TTC9: variants seen among roughly 807,000 people sequenced by gnomAD.
The protein encoded by TTC9 is tetratricopeptide repeat domain 9.
Under a neutral mutation model 22.9 loss-of-function variants are expected in TTC9, and 13 were observed. The observed-to-expected ratio is 0.57, with a 90% CI of 0.37 to 0.90. The LOEUF (loss-of-function observed/expected upper bound fraction) is 0.90, where lower values mean the gene tolerates loss of function less well. Among genes scored for constraint, TTC9 ranks in the 40% least tolerant of loss-of-function variants. TTC9 has a pLI of 0.01. For missense variants in TTC9, 280 were observed against 291.8 expected (o/e 0.96, Z 0.29); for synonymous variants, 148 against 133.2 (o/e 1.11, Z -0.77).
At position 70,667,582 on chromosome 14, in the gene TTC9, A is replaced by G. The variant is rs1487213179; in HGVS notation, c.425A>G (p.Glu142Gly). The G allele has an allele frequency of 1.2e-6, 2 of 1,614,018 alleles. No individual in the cohort carries two copies. Among genetic ancestry groups the G allele is most frequent in the Non-Finnish European group, 1.7e-6 (2 of 1,179,896 alleles). Reference sequence around the variant, plus strand: ...TCCATAGCCTGCCTGCTCCAGGCTGAGCTGGTAAACTATGAACGAGTCAAG... The same window carrying G: ...TCCATAGCCTGCCTGCTCCAGGCTGGGCTGGTAAACTATGAACGAGTCAAG... ...NSLAACLLQA[E>G]LVNYERVKEY... The change falls in exon 2 of 3, where the codon GAG (glutamate) becomes GGG (glycine). Residue 142 changes from glutamate to glycine, a missense_variant. By Grantham distance (98) the Glu-to-Gly change is moderately conservative. Transcript: ENST00000256367.
chr14:70,642,933 T>C (rs906593753), intron 1 of TTC9, among the ~76,000 whole-genome samples: 2 of 152,214 alleles, frequency 1.3e-5, no homozygotes, highest in Non-Finnish European at 2.9e-5. Context: ...CGCACCTGTC[T>C]GCTCTCCTTA....
chr14:70,667,526 T>C, intron 1 of TTC9, 38 bp from the exon 2 acceptor site: 1 of 1,611,270 alleles, frequency 6.2e-7, no homozygotes, highest in Non-Finnish European at 8.5e-7. Flanking sequence ...AGCTGGCCAC[T>C]GTTGTGCTGA....
intron 1 of TTC9, among the ~76,000 whole-genome samples, chr14:70,647,290 CT>C (rs1885916208): frequency 6.6e-6 from 1 of 152,152 alleles, no homozygotes; most frequent in South Asian, 2.1e-4. Context: ...TTTTATTTCA[CT>C]TTTTTATATG....
At chr14:70,647,615 A>C (rs752164791) in intron 1 of TTC9, among the ~76,000 whole-genome samples, 1 of 152,156 alleles carries the variant, frequency 6.6e-6, no homozygotes, top group Admixed American at 6.5e-5. Flanking sequence ...ATGAACTCTC[A>C]CGCATCATGG....
rs1047333420 is a variant in TTC9 at position 70,642,180 on chromosome 14, C to T, written c.51C>T (p.Pro17=). Residue 17 remains proline, a synonymous_variant, in exon 1 of 3, where the codon CCC becomes CCT. Coordinates refer to ENST00000256367, the MANE Select transcript of TTC9 (RefSeq NM_015351.2). The part of the protein sequence containing the change: ...AAGAKGNPSP[P]AAGEGQRPPP... Reference sequence around the variant, plus strand: ...GGGCCAAGGGGAACCCGAGCCCGCCCGCGGCCGGAGAGGGGCAGCGGCCAC... The same window carrying T: ...GGGCCAAGGGGAACCCGAGCCCGCCTGCGGCCGGAGAGGGGCAGCGGCCAC... 2 of 1,209,628 alleles carry T rather than the reference C, an allele frequency of 1.7e-6. No homozygotes were observed. Among genetic ancestry groups the T allele is most frequent in the Non-Finnish European group, 2.1e-6 (2 of 967,350 alleles). 74.9% of individuals were successfully genotyped at this position (1,209,628 alleles called of 1,614,324 possible). A position where few individuals can be genotyped will look rare whatever the true frequency, so the allele number is the denominator to read the frequency against.
intron 1 of TTC9, among the ~76,000 whole-genome samples, chr14:70,664,558 T>C (rs753024681): frequency 1.3e-5 from 2 of 152,126 alleles, no homozygotes; most frequent in Non-Finnish European, 2.9e-5. Flanking sequence ...AAACCCCGTC[T>C]CTATTAAAAC....
chr14:70,654,099 C>T (rs927686643), intron 1 of TTC9, among the ~76,000 whole-genome samples: 1 of 152,008 alleles, frequency 6.6e-6, no homozygotes, highest in Non-Finnish European at 1.5e-5. Flanking sequence ...TGGATCCGCT[C>T]ACAGCTGCTC....
intron 1 of TTC9, among the ~76,000 whole-genome samples, chr14:70,652,973 A>C (rs1886007673): frequency 6.6e-6 from 1 of 152,232 alleles, no homozygotes; most frequent in East Asian, 1.9e-4. Flanking sequence ...GGCATAATGG[A>C]AACAGGTCTT....
At chr14:70,657,090 T>C (rs1294151379) in intron 1 of TTC9, among the ~76,000 whole-genome samples, 1 of 152,258 alleles carries the variant, frequency 6.6e-6, no homozygotes, top group Non-Finnish European at 1.5e-5. Context: ...ATGTAAGCTT[T>C]CAGCTTACAG....
rs1885819171 is a variant in TTC9, at chr14:70,642,084, C to T, written c.-46C>T. ...CGGGAAGGCGCGGCGGCGGCGGCGG[C>T]GGCGGGCAGATCGCGGCGCGCACCA... On this transcript the variant is annotated 5_prime_UTR_variant, in exon 1 of 3. Transcript: ENST00000256367. 2.7e-5 allele frequency: 28 copies of T among 1,037,448 alleles called. No individual in the cohort carries two copies. The highest frequency in any genetic ancestry group is 3.2e-5 in the Non-Finnish European group (28 of 865,506). The allele number at this position is 1,037,448 out of a possible 1,614,324, so 64.3% of individuals were successfully genotyped here.
At position 70,642,015 on chromosome 14, in the gene TTC9, C is replaced by A. The variant is rs2139634883; in HGVS notation, c.-115C>A. 5.7e-6 allele frequency: 4 copies of A among 695,798 alleles called. No homozygotes were observed. Among genetic ancestry groups the A allele is most frequent in the African/African-American group, 2.0e-5 (1 of 51,092 alleles). 43.1% of individuals were successfully genotyped at this position (695,798 alleles called of 1,614,324 possible). On this transcript the variant is annotated 5_prime_UTR_variant, in exon 1 of 3. Transcript: ENST00000256367. Reference sequence around the variant, plus strand: ...CCGCCGCGGGGTGTCACGGCCGCCACGAAGCCTGCGAGGCGCGGGGCCGGC... The same window carrying A: ...CCGCCGCGGGGTGTCACGGCCGCCAAGAAGCCTGCGAGGCGCGGGGCCGGC...
At chr14:70,656,919 TA>T (rs1372029671) in intron 1 of TTC9, among the ~76,000 whole-genome samples, 1 of 152,190 alleles carries the variant, frequency 6.6e-6, no homozygotes, top group Non-Finnish European at 1.5e-5. Flanking sequence ...CCTCTCTGTC[TA>T]CTACACCAAA....
At chr14:70,656,617 T>C (rs542083875) in intron 1 of TTC9, among the ~76,000 whole-genome samples, 1 of 152,340 alleles carries the variant, frequency 6.6e-6, no homozygotes, top group Admixed American at 6.5e-5. Context: ...GGAGACGTTC[T>C]TTAATGTCCA....
At chr14:70,658,256 T>C (rs10134138) in intron 1 of TTC9, among the ~76,000 whole-genome samples, 2,526 of 152,248 alleles carry the variant, frequency 0.017, 83 homozygotes, top group African/African-American at 0.057. Context: ...TCCATGAAAG[T>C]TAAATGAGTT....
intron 1 of TTC9, among the ~76,000 whole-genome samples, chr14:70,665,427 G>A (rs1886201551): frequency 2.0e-5 from 3 of 152,172 alleles, no homozygotes; most frequent in Admixed American, 6.5e-5. Flanking sequence ...GGACAGAAGG[G>A]CCTAAGATCC....
intron 2 of TTC9, among the ~76,000 whole-genome samples, chr14:70,670,120 C>A (rs1214984416): frequency 6.6e-6 from 1 of 152,218 alleles, no homozygotes; most frequent in Non-Finnish European, 1.5e-5. Context: ...CACTTTTAGA[C>A]TTACCTATTT....
rs78966306 is a variant in TTC9, at chr14:70,669,823, C to A, written c.590-1253C>A. 0.012 allele frequency among the ~76,000 whole-genome samples: 1,890 copies of A among 152,208 alleles called. 91 individuals are homozygous for A. The East Asian group carries it at 0.18, about 15-fold the overall frequency. On this transcript the variant is annotated intron_variant, in intron 2 of 2. Transcript: ENST00000256367. ...TGCCAGCACGGTTCTGGAGGATACG[C>A]CTGGCATTTTTTAGCATGATATAGT...
chr14:70,642,452 G>A lies in TTC9; in HGVS notation c.323G>A (p.Gly108Glu). The change falls in exon 1 of 3, where the codon GGG becomes GAG. Residue 108 changes from glycine (G) to glutamate (E), a missense_variant. By Grantham distance (98) the Gly-to-Glu change is moderately conservative. Coordinates refer to ENST00000256367, the MANE Select transcript of TTC9 (RefSeq NM_015351.2). Reference protein sequence around the residue: ...ERDSRPASPAGALKPGRLSEE... With the variant: ...ERDSRPASPAEALKPGRLSEE... ...GACTCGCGCCCGGCCTCCCCGGCTG[G>A]GGCCCTGAAGCCCGGCCGCCTCTCG... The A allele has an allele frequency of 6.4e-7, 1 of 1,558,632 alleles. No individual in the cohort carries two copies. The highest frequency in any genetic ancestry group is 8.7e-7 in the Non-Finnish European group (1 of 1,152,942).
chr14:70,642,359 T>G lies in TTC9; in HGVS notation c.230T>G (p.Ile77Arg), dbSNP rs1207316212. 6.2e-7 allele frequency: 1 copy of G among 1,604,790 alleles called. No individual in the cohort carries two copies. Among genetic ancestry groups the G allele is most frequent in the Admixed American group, 1.7e-5 (1 of 59,314 alleles). ...CYKDKKFREA[I>R]GKYHRALLEL... is the part of the protein sequence containing the mutation. ...AAGGACAAGAAATTCCGTGAAGCCA[T>G]AGGCAAATACCACCGGGCGTTGCTG... Residue 77 changes from isoleucine (I) to arginine (R), a missense_variant, in exon 1 of 3, where the codon ATA becomes AGA. This residue lies in a region of TTC9 where 165 missense variants were observed against 145.4 expected (regional missense o/e 1.14). Transcript: ENST00000256367.
Sources: allele counts gnomAD v4.1 joint callset (sites outside exome capture counted in the v4.1 genomes callset), GRCh38; gene constraint gnomAD v4.1.1; regional missense constraint gnomAD v4.1.1; transcripts MANE v1.5; gene names NCBI Gene and HGNC (gene_info 2026-07-23, HGNC 2026-07-21).